RRP8: variants seen among roughly 807,000 people sequenced by gnomAD.
RRP8 encodes ribosomal RNA processing 8, also known as ribosomal RNA-processing protein 8.
RRP8 carries 48 observed loss-of-function variants against 45.0 expected under a neutral mutation model. The ratio of observed to expected loss-of-function variants is 1.07; its 90% CI spans 0.85 to 1.36. The LOEUF (loss-of-function observed/expected upper bound fraction) is 1.36. Ranked by LOEUF, RRP8 falls within the 40% of genes most tolerant of loss-of-function variation. The pLI is 0.00. For missense variants in RRP8, 658 were observed against 573.7 expected, an observed-to-expected ratio of 1.15 and a Z score of -1.50; for synonymous variants, 274 against 212.4, an observed-to-expected ratio of 1.29 and a Z score of -2.52.
Position 6,599,762 on chromosome 11 carries a change from GA to G in RRP8, c.*383del, listed in dbSNP as rs1323990017. 1 of 153,116 alleles carries G rather than the reference GA, an allele frequency of 6.5e-6. No individual in the cohort carries two copies. The highest frequency in any genetic ancestry group is 2.4e-5 in the African/African-American group (1 of 41,494). The allele number at this position is 153,116 out of a possible 1,614,324, so 9.5% of individuals were successfully genotyped here. On this transcript the variant is annotated 3_prime_UTR_variant, in exon 7 of 7. Transcript: ENST00000254605. ...AAGCTATGGGTGAGCAGAGGAAGCT[GA>G]TCTGTAGACAGATCAGATGACAGCA...
rs1359022637 is a variant in RRP8, at chr11:6,596,511, A to T, written c.*3635T>A. 2.0e-5 allele frequency: 3 copies of T among 152,262 alleles called. No individual in the cohort carries two copies. The highest frequency in any genetic ancestry group is 2.0e-4 in the Admixed American group (3 of 15,288). The allele number at this position is 152,262 out of a possible 1,614,324, so 9.4% of individuals were successfully genotyped here. On this transcript the variant is annotated 3_prime_UTR_variant, in exon 7 of 7. Coordinates refer to ENST00000254605, the MANE Select transcript of RRP8 (RefSeq NM_015324.4). The stretch of plus-strand genomic sequence containing the variant: ...GTGACATAAGCTGATTTACATTTTA[A>T]AAAGATCACATGGCTGTGTGGAAAA...
At position 6,597,598 on chromosome 11, in the gene RRP8, A is replaced by AC. The variant is rs1027251053; in HGVS notation, c.*2547_*2548insG. The AC allele has an allele frequency of 1.3e-5, 2 of 151,462 alleles. No individual in the cohort carries two copies. The highest frequency in any genetic ancestry group is 1.9e-4 in the East Asian group (1 of 5,178). The allele number at this position is 151,462 out of a possible 1,614,324, so 9.4% of individuals were successfully genotyped here. On this transcript the variant is annotated 3_prime_UTR_variant, in exon 7 of 7. Coordinates refer to ENST00000254605, the MANE Select transcript of RRP8 (RefSeq NM_015324.4). Reference sequence around the variant, plus strand: ...CCATCCTCCCATAAAAAAAAAAAAAAAAAAAACACTGGCTGGGCACAGTGG... The same window carrying AC: ...CCATCCTCCCATAAAAAAAAAAAAAACAAAAAACACTGGCTGGGCACAGTGG...
At position 6,601,936 on chromosome 11, in the gene RRP8, C is replaced by T. The variant is rs1383686073; in HGVS notation, c.379G>A (p.Ala127Thr). 1.2e-6 allele frequency: 2 copies of T among 1,614,212 alleles called. No homozygotes were observed. The highest frequency in any genetic ancestry group is 3.3e-5 in the Admixed American group (2 of 60,032). The stretch of plus-strand genomic sequence containing the variant: ...TTCCTCTTTCTTTTCTCATCTTCAG[C>T]AGAGTCACTGCCAACAAGAGCCTGT... ...HKQALVGSDS[A>T]EDEKRKRKCQ... Residue 127 changes from alanine to threonine, a missense_variant, in exon 2 of 7, where the codon GCT becomes ACT. By Grantham distance (58) the Ala-to-Thr change is moderately conservative. Coordinates refer to ENST00000254605, the MANE Select transcript of RRP8 (RefSeq NM_015324.4).
rs539929724 is a variant in RRP8 at position 6,595,363 on chromosome 11, G to A, written c.*4783C>T. 2 of 152,158 alleles carry A rather than the reference G, an allele frequency of 1.3e-5. No homozygotes were observed. Among genetic ancestry groups the A allele is most frequent in the Admixed American group, 1.3e-4 (2 of 15,272 alleles). 9.4% of individuals were successfully genotyped at this position (152,158 alleles called of 1,614,324 possible). On this transcript the variant is annotated 3_prime_UTR_variant, in exon 7 of 7. Transcript: ENST00000254605. The stretch of plus-strand genomic sequence containing the variant: ...CCCTTGAAACGAAGCCAAAAAGATA[G>A]GGGCTGTGGCAATTAAGGAGACTTC...
rs140901660 is a variant in RRP8 at position 6,602,213 on chromosome 11, G to A, written c.102C>T (p.Gly34=). 1.1e-4 allele frequency: 170 copies of A among 1,546,280 alleles called. No homozygotes were observed. The African/African-American group carries it at 1.4e-3, about 13-fold the overall frequency. Residue 34 remains glycine (G), a splice_region_variant and synonymous_variant, in exon 2 of 7, where the codon GGC becomes GGT. Coordinates refer to ENST00000254605, the MANE Select transcript of RRP8 (RefSeq NM_015324.4). The part of the protein sequence containing the change: ...PPPAASSQNK[G]SKRRQLLATL... ...TGGCCAAGAGCTGGCGGCGCTTGGA[G>A]CCCTGGAGGAAAACAGGGGATGACA...
chr11:6,602,080 C>G lies in RRP8; in HGVS notation c.235G>C (p.Ala79Pro), dbSNP rs768278894. The G allele has an allele frequency of 2.5e-6, 4 of 1,613,532 alleles. No homozygotes were observed. Among genetic ancestry groups the G allele is most frequent in the Non-Finnish European group, 3.4e-6 (4 of 1,179,658 alleles). Residue 79 changes from alanine to proline, a missense_variant, in exon 2 of 7, where the codon GCA becomes CCA. Ala to Pro is a conservative substitution (Grantham distance 27). Coordinates refer to ENST00000254605, the MANE Select transcript of RRP8 (RefSeq NM_015324.4). ...TCAGCAGAGGCACTGGCAAATGATG[C>G]CTTTTTGGGGCATTTCTTCTTCCTT... ...EERKKKCPKKASFASASAEVG... is the reference protein window; with the variant it reads ...EERKKKCPKKPSFASASAEVG...
chr11:6,600,961 G>A lies in RRP8; in HGVS notation c.1012C>T (p.Leu338=). ...NPVHCFDLAS[L]DPRVTVCDMA... is the part of the protein sequence containing the mutation. ...TCACACACAGTGACCCTAGGGTCCA[G>A]AGAAGCCAAGTCAAAGCAATGCACA... is the stretch of plus-strand genomic sequence containing the variant. Residue 338 remains leucine, a synonymous_variant, in exon 4 of 7, where the codon CTG becomes TTG. Transcript: ENST00000254605. 6.2e-7 allele frequency: 1 copy of A among 1,614,180 alleles called. No homozygotes were observed. The highest frequency in any genetic ancestry group is 8.5e-7 in the Non-Finnish European group (1 of 1,180,024).
Position 6,600,655 on chromosome 11 carries a change from C to G in RRP8, c.1154+14G>C. The G allele has an allele frequency of 6.2e-7, 1 of 1,611,726 alleles. No homozygotes were observed. The highest frequency in any genetic ancestry group is 8.5e-7 in the Non-Finnish European group (1 of 1,177,818). ...ACACATACATACATGCATCTGTGTC[C>G]TGGGGGCTCTTACCCTGGCTTCAGT... On this transcript the variant is annotated intron_variant, in intron 5 of 6. Transcript: ENST00000254605.
chr11:6,602,060 A>G lies in RRP8; in HGVS notation c.255T>C (p.Ser85=). ...TCTTCCCTTTCTTCCCTACTTCAGC[A>G]GAGGCACTGGCAAATGATGCCTTTT... The part of the protein sequence containing the change: ...CPKKASFASA[S]AEVGKKGKKK... The change falls in exon 2 of 7, where the codon TCT becomes TCC. Residue 85 remains serine, a synonymous_variant. Transcript: ENST00000254605. 1 of 1,613,928 alleles carries G rather than the reference A, an allele frequency of 6.2e-7. No individual in the cohort carries two copies. The highest frequency in any genetic ancestry group is 8.5e-7 in the Non-Finnish European group (1 of 1,179,884).
At position 6,601,433 on chromosome 11, in the gene RRP8, G is replaced by A. The variant is rs746616434; in HGVS notation, c.633C>T (p.Ala211=). ...KFQPPQVPDQ[A]PAEAPTEKTE... ...TCTTCTCTGTGGGGGCCTCAGCTGG[G>A]GCCTGGTCTGGCACCTGAGGTGGCT... Residue 211 remains alanine (A), a synonymous_variant, in exon 3 of 7, where the codon GCC becomes GCT. Transcript: ENST00000254605. The A allele has an allele frequency of 3.7e-6, 6 of 1,614,152 alleles. No homozygotes were observed. The South Asian group carries it at 6.6e-5, about 18-fold the overall frequency.
Position 6,601,871 on chromosome 11 carries a change from C to T in RRP8, c.444G>A (p.Leu148=). ...TGGTACCTGTTTGGTCAACATTGTC[C>T]AGGTGCTGGGCTGAATTTATAGGGG... The part of the protein sequence containing the change: ...KHAPINSAQH[L]DNVDQTGPKA... The change falls in exon 2 of 7, where the codon CTG becomes CTA. Residue 148 remains leucine, a synonymous_variant. Coordinates refer to ENST00000254605, the MANE Select transcript of RRP8 (RefSeq NM_015324.4). 6.2e-7 allele frequency: 1 copy of T among 1,612,618 alleles called. No individual in the cohort carries two copies. The highest frequency in any genetic ancestry group is 1.3e-5 in the African/African-American group (1 of 74,976).
At position 6,603,584 on chromosome 11, in the gene RRP8, C is replaced by T; in HGVS notation, c.-82G>A. On this transcript the variant is annotated 5_prime_UTR_variant, in exon 1 of 7. Coordinates refer to ENST00000254605, the MANE Select transcript of RRP8 (RefSeq NM_015324.4). ...CCTCTGGAAGTCGGAGCGCTCAGAC[C>T]TGCCAGAACCGACCCGGAAACCAAA... 1.2e-6 allele frequency: 1 copy of T among 850,308 alleles called. No homozygotes were observed. The highest frequency in any genetic ancestry group is 1.7e-5 in the South Asian group (1 of 57,360). 52.7% of individuals were successfully genotyped at this position (850,308 alleles called of 1,614,324 possible). A position where few individuals can be genotyped will look rare whatever the true frequency, so the allele number is the denominator to read the frequency against.
chr11:6,600,756 G>A lies in RRP8; in HGVS notation c.1067C>T (p.Ser356Phe). 6.2e-7 allele frequency: 1 copy of A among 1,614,030 alleles called. No homozygotes were observed. Among genetic ancestry groups the A allele is most frequent in the Admixed American group, 1.7e-5 (1 of 60,028 alleles). ...AAGGCAAAACACAGCCACATCCACA[G>A]ACTCATCCTCCAGAGGAACCTGTGG... is the stretch of plus-strand genomic sequence containing the variant. ...DMAQVPLEDE[S>F]VDVAVFCLSL... The change falls in exon 5 of 7, where the codon TCT (serine) becomes TTT (phenylalanine). Residue 356 changes from serine (S) to phenylalanine (F), a missense_variant. Ser to Phe is a radical substitution (Grantham distance 155). Transcript: ENST00000254605.
chr11:6,600,691 C>T lies in RRP8; in HGVS notation c.1132G>A (p.Ala378Thr), dbSNP rs1854326432. The change falls in exon 5 of 7, where the codon GCA (alanine) becomes ACA (threonine). Residue 378 changes from alanine (A) to threonine (T), a missense_variant. Physicochemically the swap from Ala to Thr is moderately conservative, Grantham distance 58 (BLOSUM62 0). Coordinates refer to ENST00000254605, the MANE Select transcript of RRP8 (RefSeq NM_015324.4). ...GTNIRDFLEE[A>T]NRVLKPGGLL... ...TACCCTGGCTTCAGTACTCTATTTGCCTCCTCTAGGAAGTCCCTGATGTTG... is the reference window on the plus strand; with the variant it reads ...TACCCTGGCTTCAGTACTCTATTTGTCTCCTCTAGGAAGTCCCTGATGTTG... The T allele has an allele frequency of 6.2e-7, 1 of 1,613,946 alleles. No individual in the cohort carries two copies. The highest frequency in any genetic ancestry group is 2.2e-5 in the East Asian group (1 of 44,890).
chr11:6,600,418 C>G, intron 6 of RRP8, 68 bp downstream of exon 6: 1 of 1,484,496 alleles, frequency 6.7e-7, no homozygotes, highest in East Asian at 2.3e-5. Flanking sequence ...AGCCTCCTTC[C>G]TGAACACCAG....
rs1181899394 is a variant in RRP8 at position 6,601,973 on chromosome 11, C to G, written c.342G>C (p.Lys114Asn). Residue 114 changes from lysine (K) to asparagine (N), a missense_variant, in exon 2 of 7, where the codon AAG becomes AAC. Coordinates refer to ENST00000254605, the MANE Select transcript of RRP8 (RefSeq NM_015324.4). ...CAACAAGAGCCTGTTTGTGGCATTTCTTCTTCCTTTCTACTTCTTCCTCAG... is the reference window on the plus strand; with the variant it reads ...CAACAAGAGCCTGTTTGTGGCATTTGTTCTTCCTTTCTACTTCTTCCTCAG... ...SDSEEEVERK[K>N]KCHKQALVGS... The G allele has an allele frequency of 6.2e-7, 1 of 1,614,208 alleles. No homozygotes were observed. Among genetic ancestry groups the G allele is most frequent in the East Asian group, 2.2e-5 (1 of 44,882 alleles).
Position 6,601,588 on chromosome 11 carries a change from T to TA in RRP8, c.477_478insT (p.Lys160Ter). ...GGTGGATCATTTGTAGTACTACCCTTCCAGGCTTTGGGACCTACAGGGAGG... is the reference window on the plus strand; with the variant it reads ...GGTGGATCATTTGTAGTACTACCCTTACCAGGCTTTGGGACCTACAGGGAGG... On this transcript the variant is annotated frameshift_variant, in exon 3 of 7. Coordinates refer to ENST00000254605, the MANE Select transcript of RRP8 (RefSeq NM_015324.4). LOFTEE classifies it high-confidence loss of function. 1 of 1,600,500 alleles carries TA rather than the reference T, an allele frequency of 6.2e-7. No homozygotes were observed. Among genetic ancestry groups the TA allele is most frequent in the African/African-American group, 1.3e-5 (1 of 74,974 alleles).
chr11:6,598,042 T>G lies in RRP8; in HGVS notation c.*2104A>C, dbSNP rs2134494860. On this transcript the variant is annotated 3_prime_UTR_variant, in exon 7 of 7. Coordinates refer to ENST00000254605, the MANE Select transcript of RRP8 (RefSeq NM_015324.4). Reference sequence around the variant, plus strand: ...TATTCTGAGCCATTTTCTCTTCTCATTATCTTACCCTGAATATCTCATCTA... The same window carrying G: ...TATTCTGAGCCATTTTCTCTTCTCAGTATCTTACCCTGAATATCTCATCTA... The G allele has an allele frequency of 6.6e-6, 1 of 152,358 alleles. No homozygotes were observed. Among genetic ancestry groups the G allele is most frequent in the East Asian group, 1.9e-4 (1 of 5,194 alleles). 9.4% of individuals were successfully genotyped at this position (152,358 alleles called of 1,614,324 possible).
In RRP8 at chr11:6,600,947, G is replaced by A. The variant is rs548913662; in HGVS notation, c.1026C>T (p.Val342=). ...TTACCTGGGCCATGTCACACACAGT[G>A]ACCCTAGGGTCCAGAGAAGCCAAGT... ...CFDLASLDPR[V]TVCDMAQVPL... The change falls in exon 4 of 7, where the codon GTC becomes GTT. Residue 342 remains valine, a synonymous_variant. Coordinates refer to ENST00000254605, the MANE Select transcript of RRP8 (RefSeq NM_015324.4). 1.1e-5 allele frequency: 17 copies of A among 1,614,114 alleles called. No homozygotes were observed. In the South Asian group the frequency reaches 1.9e-4, roughly 18 times the overall value.
Sources: allele counts gnomAD v4.1 joint callset, GRCh38; gene constraint gnomAD v4.1.1; transcripts MANE v1.5; gene names NCBI Gene and HGNC (gene_info 2026-07-23, HGNC 2026-07-21).